LHX5: variants seen among roughly 807,000 people sequenced by gnomAD.
The protein encoded by LHX5 is LIM/homeobox protein Lhx5.
In LHX5, 5 loss-of-function variants were observed where a neutral mutation model predicts 30.6. The ratio of observed to expected loss-of-function variants is 0.16; its 90% CI spans 0.09 to 0.34. LHX5 has a LOEUF of 0.34. Ranked by LOEUF, LHX5 falls within the 10% of genes least tolerant of loss-of-function variation. The pLI is 1.00. For missense variants in LHX5, 458 were observed against 570.6 expected (o/e 0.80, Z 2.01); for synonymous variants, 266 against 252.6 (o/e 1.05, Z -0.50).
chr12:113,471,698 G>T lies in LHX5; in HGVS notation c.-200C>A. 1 of 536,000 alleles carries T rather than the reference G, an allele frequency of 1.9e-6. No homozygotes were observed. The highest frequency in any genetic ancestry group is 3.2e-6 in the Non-Finnish European group (1 of 311,808). The allele number at this position is 536,000 out of a possible 1,614,324, so 33.2% of individuals were successfully genotyped here. A position where few individuals can be genotyped will look rare whatever the true frequency, so the allele number is the denominator to read the frequency against. ...GCTGCCCGGAGTGGGGTGGTGGGGG[G>T]CGGGTGGCGTTCACAACCTCATGCC... is the stretch of plus-strand genomic sequence containing the variant. On this transcript the variant is annotated 5_prime_UTR_variant, in exon 1 of 5. Transcript: ENST00000261731.
chr12:113,463,162 G>A lies in LHX5; in HGVS notation c.*28C>T. 2 of 1,475,128 alleles carry A rather than the reference G, an allele frequency of 1.4e-6. No homozygotes were observed. The highest frequency in any genetic ancestry group is 8.9e-7 in the Non-Finnish European group (1 of 1,122,854). 91.4% of individuals were successfully genotyped at this position (1,475,128 alleles called of 1,614,324 possible). ...CTGCTTCGGGGCGGGGCCCCCGGGG[G>A]CCGAGCGCGGGGGGCGGCCCGGCGG... On this transcript the variant is annotated 3_prime_UTR_variant, in exon 5 of 5. Coordinates refer to ENST00000261731, the MANE Select transcript of LHX5 (RefSeq NM_022363.3). The surrounding 1 kb of genome is among the most constrained non-coding windows in gnomAD (Gnocchi z 6.7).
rs1042993576 is a variant in LHX5, at chr12:113,464,929, G to T, written c.842-1372C>A. Among the ~76,000 whole-genome samples, 7 of 152,112 alleles carry T rather than the reference G, an allele frequency of 4.6e-5. No individual in the cohort carries two copies. The highest frequency in any genetic ancestry group is 1.4e-4 in the African/African-American group (6 of 41,410). ...ATCCTGCCTTCCCCCACCAGGTGGG[G>T]CCCTGAAGGACTGACGTGGGGGACG... On this transcript the variant is annotated intron_variant, in intron 4 of 4. Coordinates refer to ENST00000261731, the MANE Select transcript of LHX5 (RefSeq NM_022363.3). The surrounding 1 kb of genome is among the most constrained non-coding windows in gnomAD (Gnocchi z 6.2).
At chr12:113,470,881 T>C (rs1185139614) in intron 1 of LHX5, among the ~76,000 whole-genome samples, 2 of 152,222 alleles carry the variant, frequency 1.3e-5, no homozygotes, top group Non-Finnish European at 2.9e-5. Flanking sequence ...CCTCTGGAGC[T>C]GAGAAGTTTC....
chr12:113,469,486 T>G (rs543092599), intron 1 of LHX5, 141 bp from the exon 2 acceptor site: 484 of 616,182 alleles, frequency 7.9e-4, no homozygotes, highest in East Asian at 9.5e-4. Context: ...CTGAGCGCTC[T>G]GGCCAGAGTG....
chr12:113,464,188 G>C lies in LHX5; in HGVS notation c.842-631C>G, dbSNP rs1404809358. 1.3e-5 allele frequency among the ~76,000 whole-genome samples: 2 copies of C among 152,348 alleles called. No homozygotes were observed. Among genetic ancestry groups the C allele is most frequent in the African/African-American group, 4.8e-5 (2 of 41,586 alleles). ...CCGGGGGCGGCAGCGAGGGAGTCAG[G>C]AGTGAGCCCGAAGATGGAGAGAAGT... is the stretch of plus-strand genomic sequence containing the variant. On this transcript the variant is annotated intron_variant, in intron 4 of 4. Transcript: ENST00000261731. This position sits in a 1 kb window ranked among gnomAD's most constrained non-coding sequence, Gnocchi z 6.2.
At position 113,463,437 on chromosome 12, in the gene LHX5, G is replaced by T; in HGVS notation, c.962C>A (p.Thr321Lys). Residue 321 changes from threonine (T) to lysine (K), a missense_variant, in exon 5 of 5, where the codon ACG becomes AAG. Coordinates refer to ENST00000261731, the MANE Select transcript of LHX5 (RefSeq NM_022363.3). The surrounding 1 kb of genome is among the most constrained non-coding windows in gnomAD (Gnocchi z 6.7). Reference protein sequence around the residue: ...SFLAASGPGSTPLGALEPPLA... With the variant: ...SFLAASGPGSKPLGALEPPLA... Reference sequence around the variant, plus strand: ...CGGCGGTTCCAGCGCTCCCAGCGGCGTCGAGCCGGGGCCAGAGGCCGCCAG... The same window carrying T: ...CGGCGGTTCCAGCGCTCCCAGCGGCTTCGAGCCGGGGCCAGAGGCCGCCAG... The T allele has an allele frequency of 1.9e-6, 3 of 1,554,028 alleles. No homozygotes were observed. Among genetic ancestry groups the T allele is most frequent in the Non-Finnish European group, 1.7e-6 (2 of 1,152,930 alleles).
chr12:113,463,228 G>A lies in LHX5; in HGVS notation c.1171C>T (p.His391Tyr). The change falls in exon 5 of 5, where the codon CAT becomes TAT. Residue 391 changes from histidine to tyrosine, a missense_variant. Transcript: ENST00000261731. This position sits in a 1 kb window ranked among gnomAD's most constrained non-coding sequence, Gnocchi z 6.7. ...GCTTCGTTGAGCTCGGGGTTGGGAT[G>A]CGACAGGGGTCCGCTGTAGCCGCTG... is the stretch of plus-strand genomic sequence containing the variant. The part of the protein sequence containing the change: ...GTSGYSGPLS[H>Y]PNPELNEAAV... 1 of 1,525,172 alleles carries A rather than the reference G, an allele frequency of 6.6e-7. No individual in the cohort carries two copies. Among genetic ancestry groups the A allele is most frequent in the Non-Finnish European group, 8.8e-7 (1 of 1,141,374 alleles). 94.5% of individuals were successfully genotyped at this position (1,525,172 alleles called of 1,614,324 possible).
chr12:113,468,255 G>T lies in LHX5; in HGVS notation c.547C>A (p.Pro183Thr), dbSNP rs1958226604. The T allele has an allele frequency of 6.2e-7, 1 of 1,613,974 alleles. No individual in the cohort carries two copies. The highest frequency in any genetic ancestry group is 1.3e-5 in the African/African-American group (1 of 74,936). The change falls in exon 3 of 5, where the codon CCC becomes ACC. Residue 183 changes from proline to threonine, a missense_variant. Physicochemically the swap from Pro to Thr is conservative, Grantham distance 38. Transcript: ENST00000261731. Reference protein sequence around the residue: ...EQNSGTKRRGPRTTIKAKQLE... With the variant: ...EQNSGTKRRGTRTTIKAKQLE... ...TGCTTGGCCTTGATGGTGGTGCGGG[G>T]GCCGCGCCGCTTGGTGCCCGAGTTC...
At position 113,463,054 on chromosome 12, in the gene LHX5, T is replaced by G; in HGVS notation, c.*136A>C. On this transcript the variant is annotated 3_prime_UTR_variant, in exon 5 of 5. Transcript: ENST00000261731. The surrounding 1 kb of genome is among the most constrained non-coding windows in gnomAD (Gnocchi z 6.7). The stretch of plus-strand genomic sequence containing the variant: ...CGCCCAGCCGAGGAGCAGCTGCCAG[T>G]TGAGTGCGGACCCGAGAGAGAACCC... The G allele has an allele frequency of 8.2e-6, 6 of 732,830 alleles. No individual in the cohort carries two copies. The highest frequency in any genetic ancestry group is 1.2e-5 in the Non-Finnish European group (6 of 488,434). 45.4% of individuals were successfully genotyped at this position (732,830 alleles called of 1,614,324 possible).
rs754624332 is a variant in LHX5, at chr12:113,469,291, C to G, written c.228G>C (p.Leu76=). 2 of 1,614,166 alleles carry G rather than the reference C, an allele frequency of 1.2e-6. No homozygotes were observed. The highest frequency in any genetic ancestry group is 3.3e-5 in the Admixed American group (2 of 60,036). Residue 76 remains leucine, a synonymous_variant, in exon 2 of 5, where the codon CTG becomes CTC. Coordinates refer to ENST00000261731, the MANE Select transcript of LHX5 (RefSeq NM_022363.3). ...AGACTTTGCTCCGGGCCTTGCGCAC[C>G]AGGTCGCTGGGCGAGATGCCTTGCG... The part of the protein sequence containing the change: ...GCAQGISPSD[L]VRKARSKVFH...
At position 113,467,471 on chromosome 12, in the gene LHX5, C is replaced by A; in HGVS notation, c.676-50G>T. The A allele has an allele frequency of 1.4e-6, 2 of 1,386,174 alleles. No homozygotes were observed. The highest frequency in any genetic ancestry group is 1.9e-6 in the Non-Finnish European group (2 of 1,054,704). 85.9% of individuals were successfully genotyped at this position (1,386,174 alleles called of 1,614,324 possible). ...ACCCAGGATCAGGAGTGTCCTCTCC[C>A]CCCCTCTTCTCCCTTCCCTGACTGG... is the stretch of plus-strand genomic sequence containing the variant. On this transcript the variant is annotated intron_variant, in intron 3 of 4. Transcript: ENST00000261731. This position sits in a 1 kb window ranked among gnomAD's most constrained non-coding sequence, Gnocchi z 6.3.
Position 113,471,861 on chromosome 12 carries a change from C to T in LHX5, c.-363G>A. ...CCCACTTTCAAGCGGTCCGGATCCT[C>T]ATCTTTGTCTGGTCGCCGCGTAATT... is the stretch of plus-strand genomic sequence containing the variant. On this transcript the variant is annotated 5_prime_UTR_variant, in exon 1 of 5. It removes an upstream start codon present in the reference 5' UTR. Transcript: ENST00000261731. 3.9e-6 allele frequency: 1 copy of T among 256,578 alleles called. No individual in the cohort carries two copies. The highest frequency in any genetic ancestry group is 2.2e-5 in the African/African-American group (1 of 45,004). The allele number at this position is 256,578 out of a possible 1,614,324, so 15.9% of individuals were successfully genotyped here. A position where few individuals can be genotyped will look rare whatever the true frequency, so the allele number is the denominator to read the frequency against.
chr12:113,467,314 C>A lies in LHX5; in HGVS notation c.783G>T (p.Leu261=). Residue 261 remains leucine, a synonymous_variant, in exon 4 of 5, where the codon CTG becomes CTT. Transcript: ENST00000261731. The surrounding 1 kb of genome is among the most constrained non-coding windows in gnomAD (Gnocchi z 6.3). The stretch of plus-strand genomic sequence containing the variant: ...TCTCAGACTCGTCCAAGCGGCCGCC[C>A]AGCGGACGCATGCGCCGCGGACTCC... ...FFRSPRRMRP[L]GGRLDESEML... The A allele has an allele frequency of 6.4e-7, 1 of 1,569,200 alleles. No homozygotes were observed. Among genetic ancestry groups the A allele is most frequent in the Non-Finnish European group, 8.7e-7 (1 of 1,153,858 alleles).
chr12:113,471,223 T>C (rs1958248152), intron 1 of LHX5, 103 bp downstream of exon 1: 1 of 1,237,194 alleles, frequency 8.1e-7, no homozygotes, highest in Admixed American at 2.0e-5. Context: ...AAGCTTGTGA[T>C]CCGGGGAGGC....
intron 1 of LHX5, among the ~76,000 whole-genome samples, chr12:113,470,760 C>A (rs1958244718): frequency 6.6e-6 from 1 of 152,166 alleles, no homozygotes; most frequent in East Asian, 1.9e-4. Flanking sequence ...GATTCTCAGC[C>A]TCGATTTCGT....
chr12:113,468,274 C>G lies in LHX5; in HGVS notation c.528G>C (p.Ser176=), dbSNP rs1473646211. 2 of 1,614,122 alleles carry G rather than the reference C, an allele frequency of 1.2e-6. No individual in the cohort carries two copies. The highest frequency in any genetic ancestry group is 1.7e-6 in the Non-Finnish European group (2 of 1,179,962). ...TGCGGGGGCCGCGCCGCTTGGTGCC[C>G]GAGTTCTGCTCCTCGTTCTCGTTGT... ...TANNENEEQN[S]GTKRRGPRTT... is the part of the protein sequence containing the mutation. Residue 176 remains serine, a synonymous_variant, in exon 3 of 5, where the codon TCG becomes TCC. Coordinates refer to ENST00000261731, the MANE Select transcript of LHX5 (RefSeq NM_022363.3).
Position 113,467,419 on chromosome 12 carries a change from C to T in LHX5, c.678G>A (p.Val226=). The change falls in exon 4 of 5, where the codon GTG becomes GTA. Residue 226 remains valine, a splice_region_variant and synonymous_variant. Coordinates refer to ENST00000261731, the MANE Select transcript of LHX5 (RefSeq NM_022363.3). The surrounding 1 kb of genome is among the most constrained non-coding windows in gnomAD (Gnocchi z 6.3). ...CTTTGGACCGTCGGTTCTGAAACCA[C>T]ACCTGGGACAGAGGAGGGGGCTGTG... ...ETGLNMRVIQ[V]WFQNRRSKER... is the part of the protein sequence containing the mutation. 1 of 1,546,162 alleles carries T rather than the reference C, an allele frequency of 6.5e-7. No homozygotes were observed. The highest frequency in any genetic ancestry group is 8.8e-7 in the Non-Finnish European group (1 of 1,138,618).
In LHX5 at chr12:113,465,927, T is replaced by C. The variant is rs1299491993; in HGVS notation, c.841+1329A>G. 6.6e-6 allele frequency among the ~76,000 whole-genome samples: 1 copy of C among 152,208 alleles called. No homozygotes were observed. The highest frequency in any genetic ancestry group is 2.4e-5 in the African/African-American group (1 of 41,456). The stretch of plus-strand genomic sequence containing the variant: ...GTTGGGCGGCTGGGGCGCTCCAGCC[T>C]GAGCCCTGCCACTGCCTGGGGTCTC... On this transcript the variant is annotated intron_variant, in intron 4 of 4. Coordinates refer to ENST00000261731, the MANE Select transcript of LHX5 (RefSeq NM_022363.3). The surrounding 1 kb of genome is among the most constrained non-coding windows in gnomAD (Gnocchi z 6.7).
chr12:113,467,389 G>C lies in LHX5; in HGVS notation c.708C>G (p.Arg236=). 1 of 1,578,204 alleles carries C rather than the reference G, an allele frequency of 6.3e-7. No homozygotes were observed. Among genetic ancestry groups the C allele is most frequent in the Non-Finnish European group, 8.6e-7 (1 of 1,156,708 alleles). ...CTAGGGCGCTCAGCTGTTTCATCCGGCGTTCTTTGGACCGTCGGTTCTGAA... is the reference window on the plus strand; with the variant it reads ...CTAGGGCGCTCAGCTGTTTCATCCGCCGTTCTTTGGACCGTCGGTTCTGAA... ...VWFQNRRSKE[R]RMKQLSALGA... is the part of the protein sequence containing the mutation. Residue 236 remains arginine, a synonymous_variant, in exon 4 of 5, where the codon CGC becomes CGG. Coordinates refer to ENST00000261731, the MANE Select transcript of LHX5 (RefSeq NM_022363.3). The surrounding 1 kb of genome is among the most constrained non-coding windows in gnomAD (Gnocchi z 6.3).
Sources: allele counts gnomAD v4.1 joint callset (sites outside exome capture counted in the v4.1 genomes callset), GRCh38; gene constraint gnomAD v4.1.1; non-coding constraint Gnocchi (gnomAD v3.1); transcripts MANE v1.5; gene names NCBI Gene and HGNC (gene_info 2026-07-23, HGNC 2026-07-21).